Variants in SPIDR observed in about 807,000 individuals in gnomAD.
The protein encoded by SPIDR is scaffold protein involved in DNA repair, also known as DNA repair-scaffolding protein.
SPIDR carries 93 observed loss-of-function variants against 104.6 expected under a neutral mutation model. The ratio of observed to expected loss-of-function variants is 0.89; its 90% CI spans 0.75 to 1.06. The LOEUF (loss-of-function observed/expected upper bound fraction) is 1.06, where lower values mean the gene tolerates loss of function less well. SPIDR is among the 50% of genes least tolerant of loss of function. The probability of loss-of-function intolerance (pLI) is 0.00; values close to 1 mark genes in which losing one functional copy is unlikely to be tolerated. For synonymous variants in SPIDR, 431 were observed against 416.9 expected (o/e 1.03, Z -0.41); for missense variants, 1,154 against 1,111.2 (o/e 1.04, Z -0.55).
intron 8 of SPIDR, among the ~76,000 whole-genome samples, chr8:47,504,649 T>G (rs985355847): frequency 4.6e-5 from 7 of 152,238 alleles, no homozygotes; most frequent in African/African-American, 1.7e-4. Flanking sequence ...AAAGTCATTC[T>G]CCGTCCAGCT....
intron 5 of SPIDR, among the ~76,000 whole-genome samples, chr8:47,343,480 C>T (rs782697698): frequency 2.0e-5 from 3 of 152,144 alleles, no homozygotes; most frequent in Non-Finnish European, 2.9e-5. Flanking sequence ...ACAGAACTTA[C>T]GGGAAGCTGC....
At chr8:47,345,102 C>T (rs1234145206) in intron 5 of SPIDR, among the ~76,000 whole-genome samples, 10 of 152,204 alleles carry the variant, frequency 6.6e-5, no homozygotes, top group African/African-American at 2.4e-4. Context: ...TCAGGTCTAA[C>T]ATTTAAGTCT....
intron 5 of SPIDR, among the ~76,000 whole-genome samples, chr8:47,330,182 G>A (rs1372556157): frequency 6.6e-6 from 1 of 150,700 alleles, no homozygotes. Context: ...TTTGGTGGTG[G>A]TGCTTTTCTT....
At chr8:47,623,450 TAA>T (rs770469178) in intron 10 of SPIDR, among the ~76,000 whole-genome samples, 1 of 152,092 alleles carries the variant, frequency 6.6e-6, no homozygotes. Context: ...GCAAATTGGA[TAA>T]AGAGTCAAGA....
chr8:47,697,807 T>C (rs12674784), intron 11 of SPIDR: 33,085 of 152,306 alleles, frequency 0.22, 4,717 homozygotes, highest in South Asian at 0.42. Context: ...CTGAGTGTGA[T>C]GGGAAACGTG....
At chr8:47,312,084 G>A (rs1391873799) in intron 5 of SPIDR, among the ~76,000 whole-genome samples, 5 of 152,194 alleles carry the variant, frequency 3.3e-5, no homozygotes, top group African/African-American at 1.2e-4. Flanking sequence ...ATTCCATGGT[G>A]GATATGTGCC....
At chr8:47,300,185 T>C (rs1239212673) in intron 5 of SPIDR, among the ~76,000 whole-genome samples, 1 of 152,136 alleles carries the variant, frequency 6.6e-6, no homozygotes, top group African/African-American at 2.4e-5. Flanking sequence ...CTTGGGAGGG[T>C]GTATGTGTCC....
intron 8 of SPIDR, among the ~76,000 whole-genome samples, chr8:47,554,108 C>T (rs1349017184): frequency 1.3e-5 from 2 of 152,118 alleles, no homozygotes; most frequent in African/African-American, 4.8e-5. Flanking sequence ...TCCTTCCTCT[C>T]AGATCTTCGT....
intron 8 of SPIDR, among the ~76,000 whole-genome samples, chr8:47,505,437 T>C (rs1022124510): frequency 3.9e-5 from 6 of 152,172 alleles, no homozygotes; most frequent in Non-Finnish European, 5.9e-5. Flanking sequence ...CTCCAAGCCA[T>C]GTGCGGGATA....
At chr8:47,711,579 T>C (rs1201185781) in intron 14 of SPIDR, among the ~76,000 whole-genome samples, 1 of 152,084 alleles carries the variant, frequency 6.6e-6, no homozygotes, top group Non-Finnish European at 1.5e-5. Flanking sequence ...CTTCCTGCTA[T>C]TGAGATATCA....
In SPIDR at chr8:47,734,094, A is replaced by G. The variant is rs74933730; in HGVS notation, c.2605-1213A>G. On this transcript the variant is annotated intron_variant, in intron 19 of 19. Transcript: ENST00000297423. ...TGGCATCAATATTCATTCTGTGCAC[A>G]GAACTCTTGTTTGGACAGGGCTTCA... 5.3e-3 allele frequency among the ~76,000 whole-genome samples: 810 copies of G among 152,298 alleles called. 16 individuals are homozygous for G. The highest frequency in any genetic ancestry group is 0.019 in the African/African-American group (777 of 41,568).
intron 7 of SPIDR, among the ~76,000 whole-genome samples, chr8:47,439,341 T>A (rs1237351976): frequency 6.6e-6 from 1 of 152,218 alleles, no homozygotes; most frequent in South Asian, 2.1e-4. Context: ...TTGTATTGAT[T>A]TCTGTGTTTT....
intron 5 of SPIDR, among the ~76,000 whole-genome samples, chr8:47,379,359 A>G (rs782119285): frequency 4.6e-5 from 7 of 152,146 alleles, no homozygotes; most frequent in African/African-American, 7.2e-5. Context: ...CCTGGGCAGC[A>G]TGATGAAACC....
chr8:47,327,272 T>C (rs1456806206), intron 5 of SPIDR, among the ~76,000 whole-genome samples: 2 of 152,222 alleles, frequency 1.3e-5, no homozygotes, highest in African/African-American at 4.8e-5. Flanking sequence ...TTCAAGTTTT[T>C]TGTTGATTTC....
intron 8 of SPIDR, among the ~76,000 whole-genome samples, chr8:47,571,762 G>A (rs1348395106): frequency 2.0e-5 from 3 of 152,140 alleles, no homozygotes; most frequent in Non-Finnish European, 4.4e-5. Context: ...ATAAGGCAAA[G>A]TAAAGATTAA....
chr8:47,270,148 G>T (rs1399530131), intron 1 of SPIDR, among the ~76,000 whole-genome samples: 2 of 152,096 alleles, frequency 1.3e-5, no homozygotes, highest in Non-Finnish European at 2.9e-5. Context: ...GGTAATACTG[G>T]TTTCATGGTG....
At chr8:47,424,954 A>T (rs2066184645) in intron 7 of SPIDR, among the ~76,000 whole-genome samples, 1 of 152,172 alleles carries the variant, frequency 6.6e-6, no homozygotes, top group Admixed American at 6.5e-5. Flanking sequence ...AATTACAGAC[A>T]TTAACCACCT....
chr8:47,694,360 T>C (rs1589259114), intron 11 of SPIDR, among the ~76,000 whole-genome samples: 1 of 151,932 alleles, frequency 6.6e-6, no homozygotes, highest in Non-Finnish European at 1.5e-5. Flanking sequence ...TGGGGGAAGA[T>C]GTGTAGTGTG....
At chr8:47,332,920 G>GTTGCA (rs2049019275) in intron 5 of SPIDR, among the ~76,000 whole-genome samples, 1 of 142,646 alleles carries the variant, frequency 7.0e-6, no homozygotes, top group South Asian at 2.4e-4. Context: ...AGATGAGTAG[G>GTTGCA]TTGCAAAAAT....
Sources: allele counts gnomAD v4.1 joint callset (sites outside exome capture counted in the v4.1 genomes callset), GRCh38; gene constraint gnomAD v4.1.1; transcripts MANE v1.5; gene names NCBI Gene and HGNC (gene_info 2026-07-23, HGNC 2026-07-21).